The following PARD3 variants were observed in gnomAD, a reference collection of about 807,000 sequenced individuals.
PARD3 encodes the protein par-3 family cell polarity regulator.
PARD3 carries 75 observed loss-of-function variants against 155.4 expected under a neutral mutation model. The ratio of observed to expected loss-of-function variants is 0.48; its 90% CI spans 0.40 to 0.58. The LOEUF (loss-of-function observed/expected upper bound fraction) is 0.58, where lower values mean the gene tolerates loss of function less well. PARD3 is among the 20% of genes least tolerant of loss of function. PARD3 has a pLI of 0.00. For synonymous variants in PARD3, 576 were observed against 610.5 expected, an observed-to-expected ratio of 0.94 and a Z score of 0.83; for missense variants, 1,642 against 1,721.7, an observed-to-expected ratio of 0.95 and a Z score of 0.82.
intron 14 of PARD3, among the ~76,000 whole-genome samples, chr10:34,353,074 G>A (rs1347909171): frequency 6.6e-6 from 1 of 151,816 alleles, no homozygotes; most frequent in East Asian, 1.9e-4. Context: ...CCCCGCAGCT[G>A]CCCTGTCTGG....
intron 2 of PARD3, among the ~76,000 whole-genome samples, chr10:34,602,556 A>C (rs1262409465): frequency 6.6e-6 from 1 of 152,234 alleles, no homozygotes; most frequent in Non-Finnish European, 1.5e-5. Flanking sequence ...TGGAGTAAAA[A>C]AGAAAATTGT....
At chr10:34,213,657 G>C (rs1951861768) in intron 22 of PARD3, among the ~76,000 whole-genome samples, 1 of 152,072 alleles carries the variant, frequency 6.6e-6, no homozygotes, top group African/African-American at 2.4e-5. Flanking sequence ...AAAAGAGAGA[G>C]GCCTTCAAAG....
At chr10:34,207,939 C>T (rs1951556784) in intron 22 of PARD3, among the ~76,000 whole-genome samples, 1 of 152,164 alleles carries the variant, frequency 6.6e-6, no homozygotes, top group Admixed American at 6.5e-5. Flanking sequence ...TGTTATCTAA[C>T]TTTCTGTAAA....
intron 8 of PARD3, among the ~76,000 whole-genome samples, chr10:34,383,835 T>G (rs114730873): frequency 0.012 from 1,870 of 152,218 alleles, 19 homozygotes; most frequent in African/African-American, 0.034. Context: ...AGTTAAAGTA[T>G]GATAAAAATG....
At chr10:34,722,564 A>T (rs1348329432) in intron 1 of PARD3, among the ~76,000 whole-genome samples, 2 of 151,758 alleles carry the variant, frequency 1.3e-5, no homozygotes, top group African/African-American at 4.8e-5. Flanking sequence ...TCAGCACGGT[A>T]CTCCCTGGGG....
chr10:34,788,428 G>A (rs1841246047), intron 1 of PARD3, among the ~76,000 whole-genome samples: 1 of 150,344 alleles, frequency 6.7e-6, no homozygotes, highest in South Asian at 2.1e-4. Context: ...CTGCCTACCT[G>A]GGCCAAGCTC....
intron 2 of PARD3, among the ~76,000 whole-genome samples, chr10:34,686,506 C>T (rs749256316): frequency 2.0e-5 from 3 of 151,012 alleles, no homozygotes; most frequent in Admixed American, 1.3e-4. Flanking sequence ...GAGGCCGAGG[C>T]GGGTGGATGA....
At chr10:34,684,502 G>A (rs1235449142) in intron 2 of PARD3, among the ~76,000 whole-genome samples, 9 of 151,914 alleles carry the variant, frequency 5.9e-5, no homozygotes, top group African/African-American at 1.7e-4. Flanking sequence ...TGGCAACCTC[G>A]CAGCAGTCCC....
chr10:34,686,028 T>G (rs182793616), intron 2 of PARD3, among the ~76,000 whole-genome samples: 11 of 152,328 alleles, frequency 7.2e-5, no homozygotes, highest in Non-Finnish European at 1.2e-4. Flanking sequence ...TCAAATTAAT[T>G]TCACATGTTT....
chr10:34,796,499 ACTG>A (rs1287516826), intron 1 of PARD3, among the ~76,000 whole-genome samples: 1 of 152,260 alleles, frequency 6.6e-6, no homozygotes, highest in Non-Finnish European at 1.5e-5. Context: ...GTTATTTGAA[ACTG>A]CTGAATATTA....
intron 12 of PARD3, among the ~76,000 whole-genome samples, chr10:34,363,594 T>C (rs1315242873): frequency 6.6e-6 from 1 of 152,238 alleles, no homozygotes; most frequent in Non-Finnish European, 1.5e-5. Flanking sequence ...TAAAGTCAGA[T>C]AGTATAGGAA....
intron 1 of PARD3, among the ~76,000 whole-genome samples, chr10:34,789,243 G>C (rs1355076703): frequency 1.3e-5 from 2 of 152,166 alleles, no homozygotes; most frequent in African/African-American, 4.8e-5. Flanking sequence ...AGTGAGCCAT[G>C]AAGAATTGTG....
chr10:34,560,096 T>C (rs970917238), intron 2 of PARD3, among the ~76,000 whole-genome samples: 23 of 152,208 alleles, frequency 1.5e-4, no homozygotes, highest in Admixed American at 1.4e-3. Flanking sequence ...ATTGAAAATA[T>C]TGGTAAATCT....
intron 22 of PARD3, among the ~76,000 whole-genome samples, chr10:34,159,656 T>C (rs949719561): frequency 2.0e-5 from 3 of 152,234 alleles, no homozygotes; most frequent in Non-Finnish European, 2.9e-5. Flanking sequence ...AACAAGGTCC[T>C]TATCCATTAG....
intron 5 of PARD3, among the ~76,000 whole-genome samples, chr10:34,449,152 C>T (rs1310714215): frequency 1.3e-5 from 2 of 151,738 alleles, no homozygotes; most frequent in African/African-American, 4.8e-5. Context: ...CTCCTGACCT[C>T]GTGATCCACC....
intron 21 of PARD3, among the ~76,000 whole-genome samples, chr10:34,283,198 G>C (rs940090295): frequency 6.6e-6 from 1 of 152,080 alleles, no homozygotes; most frequent in Non-Finnish European, 1.5e-5. Context: ...TAGAATTATG[G>C]TAGGAATACT....
chr10:34,548,516 T>A (rs1204698375), intron 2 of PARD3, among the ~76,000 whole-genome samples: 1 of 151,602 alleles, frequency 6.6e-6, no homozygotes, highest in African/African-American at 2.4e-5. Context: ...AATAAACTAA[T>A]AAATAAAATA....
rs866727350 is a variant in PARD3, at chr10:34,175,813, C to T, written c.3420-44230G>A. ...GAATTTTAAAGTAAAATTATATGAA[C>T]AATTTAAGTGTTAAATCCCCATATG... On this transcript the variant is annotated intron_variant, in intron 22 of 24. Transcript: ENST00000374788. 1.6e-4 allele frequency among the ~76,000 whole-genome samples: 25 copies of T among 152,084 alleles called. 1 individual carries two copies. The highest frequency in any genetic ancestry group is 5.8e-4 in the African/African-American group (24 of 41,396).
rs756147906 is a variant in PARD3 at position 34,110,117 on chromosome 10, T to G, written c.*1052A>C. 2.6e-5 allele frequency: 4 copies of G among 152,194 alleles called. No homozygotes were observed. Among genetic ancestry groups the G allele is most frequent in the Non-Finnish European group, 5.9e-5 (4 of 68,038 alleles). The allele number at this position is 152,194 out of a possible 1,614,324, so 9.4% of individuals were successfully genotyped here. On this transcript the variant is annotated 3_prime_UTR_variant, in exon 25 of 25. Coordinates refer to ENST00000374788, the MANE Select transcript of PARD3 (RefSeq NM_001184785.2). Reference sequence around the variant, plus strand: ...CGGCTTTTCCTTTGTCTTTTATGTTTCATGGCAGAACTACTTAGGAGCGCG... The same window carrying G: ...CGGCTTTTCCTTTGTCTTTTATGTTGCATGGCAGAACTACTTAGGAGCGCG...
Sources: gnomAD v4.1 joint callset for allele counts (sites outside exome capture counted in the v4.1 genomes callset) on GRCh38, gnomAD v4.1.1 for gene constraint, MANE v1.5 for transcripts, NCBI Gene and HGNC (gene_info 2026-07-23, HGNC 2026-07-21) for gene names.